Variants in PCDH7 observed in about 807,000 individuals in gnomAD.
PCDH7 encodes protocadherin-7.
A neutral mutation model predicts 58.9 loss-of-function variants in PCDH7; 17 were observed. The observed-to-expected ratio is 0.29, with a 90% CI of 0.20 to 0.43. The LOEUF (loss-of-function observed/expected upper bound fraction) is 0.43. PCDH7 is among the 20% of genes least tolerant of loss of function. PCDH7 has a pLI of 1.00. For synonymous variants in PCDH7, 664 were observed against 616.4 expected, an observed-to-expected ratio of 1.08 and a Z score of -1.14; for missense variants, 1,274 against 1,441.0, an observed-to-expected ratio of 0.88 and a Z score of 1.88.
chr4:31,028,413 C>T (rs73216794), intron 3 of PCDH7, among the ~76,000 whole-genome samples: 2 of 151,932 alleles, frequency 1.3e-5, no homozygotes, highest in Non-Finnish European at 2.9e-5. Flanking sequence ...TACTTTGGGC[C>T]GCTGAGGTAG....
rs142355357 is a variant in PCDH7, at chr4:30,963,406, T to C, written c.*7+13191T>C. Among the ~76,000 whole-genome samples the C allele has an allele frequency of 3.5e-4, 53 of 152,310 alleles. No individual in the cohort carries two copies. In the East Asian group the frequency reaches 8.3e-3, roughly 24 times the overall value. ...ATGAAGTTTTCCAAGCTCTCCATGATTATTTAAGACCAAGTATATATTTGC... is the reference window on the plus strand; with the variant it reads ...ATGAAGTTTTCCAAGCTCTCCATGACTATTTAAGACCAAGTATATATTTGC... On this transcript the variant is annotated intron_variant, in intron 3 of 3. Transcript: ENST00000509759.
intron 2 of PCDH7, among the ~76,000 whole-genome samples, chr4:30,933,988 C>T (rs933840155): frequency 2.0e-5 from 3 of 152,160 alleles, no homozygotes; most frequent in African/African-American, 7.2e-5. Flanking sequence ...CACACGGAAC[C>T]ATATTTTATC....
chr4:31,008,100 T>C (rs1270812777), intron 3 of PCDH7, among the ~76,000 whole-genome samples: 2 of 151,992 alleles, frequency 1.3e-5, no homozygotes, highest in Non-Finnish European at 2.9e-5. Flanking sequence ...GATGAGATAT[T>C]AAGACAGAAG....
At chr4:30,977,123 A>G (rs1750140988) in intron 3 of PCDH7, among the ~76,000 whole-genome samples, 1 of 152,192 alleles carries the variant, frequency 6.6e-6, no homozygotes, top group South Asian at 2.1e-4. Flanking sequence ...TCGTTCTTTA[A>G]AAGCCTTCTA....
chr4:30,979,451 A>G (rs902659881), intron 3 of PCDH7, among the ~76,000 whole-genome samples: 3 of 152,164 alleles, frequency 2.0e-5, no homozygotes, highest in Non-Finnish European at 2.9e-5. Context: ...GAGAATATAC[A>G]ATGAGATGAT....
intron 3 of PCDH7, among the ~76,000 whole-genome samples, chr4:31,038,348 C>T (rs906547999): frequency 6.6e-6 from 1 of 152,000 alleles, no homozygotes. Flanking sequence ...TTACATTACC[C>T]ATGATAAATC....
chr4:31,128,471 C>T (rs1269189811), intron 3 of PCDH7, among the ~76,000 whole-genome samples: 1 of 152,116 alleles, frequency 6.6e-6, no homozygotes, highest in African/African-American at 2.4e-5. Flanking sequence ...TCTCTTCTAT[C>T]AGAAACATTT....
intron 1 of PCDH7, among the ~76,000 whole-genome samples, chr4:30,885,416 CA>C (rs1737575431): frequency 6.6e-6 from 1 of 152,056 alleles, no homozygotes; most frequent in Non-Finnish European, 1.5e-5. Flanking sequence ...TTAATAAGGG[CA>C]AAACACTAAT....
chr4:31,074,736 G>A (rs1041364047), intron 3 of PCDH7, among the ~76,000 whole-genome samples: 5 of 119,378 alleles, frequency 4.2e-5, no homozygotes, highest in Non-Finnish European at 8.0e-5. Flanking sequence ...AGTGAGCCGA[G>A]ATCACACCAC....
At chr4:30,824,951 C>T (rs910157202) in intron 1 of PCDH7, among the ~76,000 whole-genome samples, 7 of 151,892 alleles carry the variant, frequency 4.6e-5, no homozygotes, top group Non-Finnish European at 2.9e-5. Flanking sequence ...AGGATGAATA[C>T]CCTGACAAAT....
chr4:30,979,864 C>A (rs1375949002), intron 3 of PCDH7, among the ~76,000 whole-genome samples: 1 of 152,090 alleles, frequency 6.6e-6, no homozygotes, highest in Non-Finnish European at 1.5e-5. Flanking sequence ...CCACACACTG[C>A]TTAATATTAC....
intron 3 of PCDH7, among the ~76,000 whole-genome samples, chr4:31,099,693 C>A (rs1714647047): frequency 6.6e-6 from 1 of 152,034 alleles, no homozygotes. Flanking sequence ...CCCCTGAGAA[C>A]CTAAGGAACT....
chr4:31,023,518 A>G (rs867342680), intron 3 of PCDH7, among the ~76,000 whole-genome samples: 60 of 152,326 alleles, frequency 3.9e-4, no homozygotes, highest in African/African-American at 1.3e-3. Context: ...TACCTGAAGT[A>G]AAACTGAGGA....
rs1732853989 is a variant in PCDH7, at chr4:30,852,221, C to A, written c.71-67932C>A. Among the ~76,000 whole-genome samples the A allele has an allele frequency of 2.6e-5, 4 of 152,140 alleles. No individual in the cohort carries two copies. In the South Asian group the frequency reaches 6.2e-4, roughly 24 times the overall value. On this transcript the variant is annotated intron_variant, in intron 1 of 3. Coordinates refer to the PCDH7 transcript ENST00000509759. Reference sequence around the variant, plus strand: ...CTATGACAAAATATAGAATATCATGCTGAAGCACTAGTTACCAAGCTACAG... The same window carrying A: ...CTATGACAAAATATAGAATATCATGATGAAGCACTAGTTACCAAGCTACAG...
chr4:30,832,205 A>G (rs1392455755), intron 1 of PCDH7, among the ~76,000 whole-genome samples: 1 of 152,168 alleles, frequency 6.6e-6, no homozygotes, highest in East Asian at 1.9e-4. Context: ...GATGCAACCT[A>G]TAATAACACA....
At chr4:30,881,433 AC>A (rs1736961971) in intron 1 of PCDH7, among the ~76,000 whole-genome samples, 2 of 152,178 alleles carry the variant, frequency 1.3e-5, no homozygotes, top group African/African-American at 4.8e-5. Flanking sequence ...GTCAAGAACA[AC>A]TGCTCACATC....
intron 2 of PCDH7, among the ~76,000 whole-genome samples, chr4:30,923,866 A>G (rs557031563): frequency 3.2e-4 from 48 of 152,350 alleles, no homozygotes; most frequent in Non-Finnish European, 6.0e-4. Flanking sequence ...ACATTTAGCA[A>G]TAAAGTAATA....
intron 3 of PCDH7, among the ~76,000 whole-genome samples, chr4:31,129,951 A>G (rs1216174029): frequency 6.6e-6 from 1 of 151,946 alleles, no homozygotes; most frequent in Non-Finnish European, 1.5e-5. Context: ...TATTAGGTAC[A>G]GTTTTCTGCT....
At chr4:31,017,696 G>T (rs1373373188) in intron 3 of PCDH7, among the ~76,000 whole-genome samples, 1 of 152,042 alleles carries the variant, frequency 6.6e-6, no homozygotes. Flanking sequence ...ATTGGCTGTT[G>T]TAGTGAAAAC....
Sources: gnomAD v4.1 joint callset for allele counts (sites outside exome capture counted in the v4.1 genomes callset) on GRCh38, gnomAD v4.1.1 for gene constraint, MANE v1.5 for transcripts, NCBI Gene and HGNC (gene_info 2026-07-23, HGNC 2026-07-21) for gene names.